Variants in ESR1 observed in about 807,000 individuals in gnomAD.
ESR1 encodes the protein estrogen receptor 1.
A neutral mutation model predicts 52.7 loss-of-function variants in ESR1; 12 were observed. The ratio of observed to expected loss-of-function variants is 0.23; its 90% CI spans 0.15 to 0.37. The LOEUF is 0.37. Ranked by LOEUF, ESR1 falls within the 10% of genes least tolerant of loss-of-function variation. ESR1 has a pLI of 1.00. For synonymous variants in ESR1, 305 were observed against 316.8 expected, an observed-to-expected ratio of 0.96 and a Z score of 0.39; for missense variants, 584 against 779.7, an observed-to-expected ratio of 0.75 and a Z score of 2.99.
At chr6:152,124,819 C>A (rs971828148) in intron 6 of ESR1, among the ~76,000 whole-genome samples, 1 of 152,126 alleles carries the variant, frequency 6.6e-6, no homozygotes, top group Non-Finnish European at 1.5e-5. Context: ...CATGTTGAGA[C>A]AGGGCCTTAG....
At chr6:151,817,679 A>G (rs1339651230) in intron 1 of ESR1, among the ~76,000 whole-genome samples, 2 of 152,252 alleles carry the variant, frequency 1.3e-5, no homozygotes, top group Non-Finnish European at 2.9e-5. Flanking sequence ...GATACCAGAT[A>G]TGAAGATAAC....
At chr6:152,020,667 T>C (rs1281117393) in intron 5 of ESR1, among the ~76,000 whole-genome samples, 1 of 152,096 alleles carries the variant, frequency 6.6e-6, no homozygotes, top group Non-Finnish European at 1.5e-5. Context: ...GCCAGGCTGG[T>C]CTGGAACTCC....
intron 1 of ESR1, among the ~76,000 whole-genome samples, chr6:151,809,583 A>G (rs1375154991): frequency 6.6e-6 from 1 of 152,196 alleles, no homozygotes; most frequent in Non-Finnish European, 1.5e-5. Flanking sequence ...GCCGTGGACC[A>G]GTTTTTGTTC....
chr6:151,714,247 T>G (rs1400176539), intron 2 of ESR1, among the ~76,000 whole-genome samples: 1 of 152,232 alleles, frequency 6.6e-6, no homozygotes, highest in Non-Finnish European at 1.5e-5. Context: ...AGGAGTGTTT[T>G]ACTTCTAATT....
intron 4 of ESR1, among the ~76,000 whole-genome samples, chr6:151,974,386 C>T (rs1450544811): frequency 6.6e-6 from 1 of 152,144 alleles, no homozygotes; most frequent in Non-Finnish European, 1.5e-5. Context: ...AAGTCACAGC[C>T]AGCTTACAGA....
At chr6:152,096,664 C>T (rs1231502543) in intron 7 of ESR1, 6 of 455,796 alleles carry the variant, frequency 1.3e-5, no homozygotes, top group Non-Finnish European at 2.2e-5. Context: ...TCAGGGTTCC[C>T]CAAGGATTCC....
chr6:151,749,245 A>G (rs2184845), intron 2 of ESR1, among the ~76,000 whole-genome samples: 4,272 of 151,626 alleles, frequency 0.028, 193 homozygotes, highest in African/African-American at 0.096. Flanking sequence ...CATGAGAGTA[A>G]GGAGAGTAAG....
At chr6:151,736,919 G>A (rs1229996609) in intron 2 of ESR1, among the ~76,000 whole-genome samples, 1 of 151,956 alleles carries the variant, frequency 6.6e-6, no homozygotes, top group African/African-American at 2.4e-5. Context: ...TCAAAAACAT[G>A]AGATAAAAAA....
intron 2 of ESR1, among the ~76,000 whole-genome samples, chr6:151,765,483 TGG>T (rs1562388007): frequency 5.3e-5 from 8 of 152,242 alleles, no homozygotes; most frequent in African/African-American, 1.9e-4. Context: ...AGAATATATT[TGG>T]AATAAAAATT....
At chr6:151,698,735 C>T (rs1779553861) in intron 1 of ESR1, among the ~76,000 whole-genome samples, 1 of 152,124 alleles carries the variant, frequency 6.6e-6, no homozygotes, top group Admixed American at 6.5e-5. Context: ...AATAATTTCA[C>T]TTCAGTTACA....
rs1027317876 is a variant in ESR1, at chr6:152,100,913, A to G, written c.*1947A>G. ...TTAGTTTGTTTAAGAAGCACCTTAT[A>G]TAGTATAATATATATTTTTTTGAAA... is the stretch of plus-strand genomic sequence containing the variant. On this transcript the variant is annotated 3_prime_UTR_variant, in exon 8 of 8. Coordinates refer to ENST00000206249, the MANE Select transcript of ESR1 (RefSeq NM_000125.4). The G allele has an allele frequency of 2.6e-5, 6 of 230,344 alleles. No homozygotes were observed. Among genetic ancestry groups the G allele is most frequent in the Non-Finnish European group, 2.6e-5 (3 of 116,222 alleles). 14.3% of individuals were successfully genotyped at this position (230,344 alleles called of 1,614,324 possible).
intron 2 of ESR1, among the ~76,000 whole-genome samples, chr6:151,704,053 A>C (rs936792908): frequency 1.3e-5 from 2 of 152,234 alleles, no homozygotes; most frequent in East Asian, 3.8e-4. Context: ...ATAATCAAAT[A>C]TATTTGGCTC....
upstream of ESR1, chr6:151,804,811 T>A (rs965919099): frequency 6.6e-6 from 1 of 152,256 alleles, no homozygotes; most frequent in Non-Finnish European, 1.5e-5. Context: ...TTGGGTGTCA[T>A]GTGTCCTGGG....
chr6:152,045,279 G>A (rs2046136499), intron 5 of ESR1, among the ~76,000 whole-genome samples: 2 of 152,210 alleles, frequency 1.3e-5, no homozygotes, highest in South Asian at 4.1e-4. Context: ...TTAGTCTCAG[G>A]ACTGGCACCG....
chr6:152,019,293 A>T (rs1290073909), intron 5 of ESR1, among the ~76,000 whole-genome samples: 2 of 152,232 alleles, frequency 1.3e-5, no homozygotes, highest in Non-Finnish European at 2.9e-5. Flanking sequence ...ACGTACACAC[A>T]CATATTGGAA....
chr6:151,824,566 G>T (rs1035842047), intron 1 of ESR1, among the ~76,000 whole-genome samples: 2 of 152,148 alleles, frequency 1.3e-5, no homozygotes, highest in Non-Finnish European at 2.9e-5. Flanking sequence ...GTCCTGAATG[G>T]TATTGCCTGG....
chr6:152,042,326 A>G (rs1185883819), intron 5 of ESR1, among the ~76,000 whole-genome samples: 3 of 152,176 alleles, frequency 2.0e-5, no homozygotes, highest in African/African-American at 4.8e-5. Flanking sequence ...TGTAAGTTGG[A>G]CCTGAGCTAA....
chr6:151,796,165 C>CA (rs546866561), intron 2 of ESR1, among the ~76,000 whole-genome samples: 8,818 of 78,698 alleles, frequency 0.11, 390 homozygotes, highest in Non-Finnish European at 0.15. Flanking sequence ...GACTCCGTCT[C>CA]AAAAAAAAAA....
chr6:151,813,233 A>G (rs1429256053), intron 1 of ESR1: 1 of 143,424 alleles, frequency 7.0e-6, no homozygotes, highest in Admixed American at 6.8e-5. Flanking sequence ...AAATATAGGA[A>G]GCACAGAATG....
Sources: gnomAD v4.1 joint callset for allele counts (sites outside exome capture counted in the v4.1 genomes callset) on GRCh38, gnomAD v4.1.1 for gene constraint, MANE v1.5 for transcripts, NCBI Gene and HGNC (gene_info 2026-07-23, HGNC 2026-07-21) for gene names.